PDPR: variants seen among roughly 807,000 people sequenced by gnomAD.
PDPR encodes pyruvate dehydrogenase phosphatase regulatory subunit.
A neutral mutation model predicts 102.2 loss-of-function variants in PDPR; 50 were observed. The ratio of observed to expected loss-of-function variants is 0.49; its 90% confidence interval spans 0.39 to 0.62. The LOEUF (loss-of-function observed/expected upper bound fraction) is 0.62. PDPR is among the 20% of genes least tolerant of loss of function. PDPR has a pLI of 0.00. For synonymous variants in PDPR, 259 were observed against 406.0 expected, an observed-to-expected ratio of 0.64 and a Z score of 4.35; for missense variants, 625 against 1,098.2, an observed-to-expected ratio of 0.57 and a Z score of 6.09.
At chr16:70,126,430 C>G (rs1325129922) in intron 3 of PDPR, among the ~76,000 whole-genome samples, 3 of 152,274 alleles carry the variant, frequency 2.0e-5, no homozygotes, top group Admixed American at 1.3e-4. Context: ...GTGGCACAGT[C>G]TTGACTCACT....
intron 17 of PDPR, among the ~76,000 whole-genome samples, chr16:70,150,198 G>A (rs1278686251): frequency 2.7e-5 from 4 of 150,780 alleles, no homozygotes; most frequent in Admixed American, 1.3e-4. Flanking sequence ...CTGCCTCCCG[G>A]GTTCAAGTGA....
rs899509728 is a variant in PDPR, at chr16:70,114,364, C to A, written c.-219C>A. On this transcript the variant is annotated 5_prime_UTR_variant, in exon 1 of 19. Transcript: ENST00000288050. ...AACCCCGCTTTCCGGCCCGCGGCGACCCCAGGCAACTGTTGTGGCTGCCGC... is the reference window on the plus strand; with the variant it reads ...AACCCCGCTTTCCGGCCCGCGGCGAACCCAGGCAACTGTTGTGGCTGCCGC... 3.3e-5 allele frequency: 5 copies of A among 152,242 alleles called. No individual in the cohort carries two copies. The highest frequency in any genetic ancestry group is 6.5e-5 in the Admixed American group (1 of 15,290). 9.4% of individuals were successfully genotyped at this position (152,242 alleles called of 1,614,324 possible). A position where few individuals can be genotyped will look rare whatever the true frequency, so the allele number is the denominator to read the frequency against.
chr16:70,137,110 T>A (rs1327939380), intron 10 of PDPR, among the ~76,000 whole-genome samples: 1 of 151,698 alleles, frequency 6.6e-6, no homozygotes, highest in African/African-American at 2.4e-5. Flanking sequence ...CCCAGCACTT[T>A]GGGAGGCCGA....
chr16:70,153,279 T>A, intron 17 of PDPR, 112 bp from the exon 18 acceptor site: 1 of 1,198,144 alleles, frequency 8.3e-7, no homozygotes, highest in Non-Finnish European at 1.2e-6. Context: ...GGGAGTTTTA[T>A]ACGCCTCCTC....
chr16:70,134,797 A>AT (rs57093760), intron 9 of PDPR, among the ~76,000 whole-genome samples: 27,869 of 140,832 alleles, frequency 0.2, 1,142 homozygotes, highest in East Asian at 0.31. Context: ...AAAAAAAAAA[A>AT]AATAATAATA....
At chr16:70,149,332 C>G (rs1966515552) in intron 17 of PDPR, among the ~76,000 whole-genome samples, 1 of 151,796 alleles carries the variant, frequency 6.6e-6, no homozygotes, top group South Asian at 2.1e-4. Flanking sequence ...GTGGCATAAT[C>G]TCAGTTCACT....
chr16:70,132,708 G>A (rs373193104), intron 9 of PDPR, among the ~76,000 whole-genome samples: 1 of 151,636 alleles, frequency 6.6e-6, no homozygotes, highest in South Asian at 2.1e-4. Context: ...GGTTGATCTC[G>A]AACTCCAAGG....
At chr16:70,153,824 C>T (rs1466077413) in intron 18 of PDPR, among the ~76,000 whole-genome samples, 2 of 152,276 alleles carry the variant, frequency 1.3e-5, no homozygotes, top group Non-Finnish European at 2.9e-5. Flanking sequence ...GCGGGTGGAT[C>T]ACCTGAGGTC....
intron 11 of PDPR, among the ~76,000 whole-genome samples, chr16:70,141,561 A>G (rs1402682763): frequency 6.6e-6 from 1 of 152,250 alleles, no homozygotes; most frequent in Non-Finnish European, 1.5e-5. Context: ...ATTTTTTCAC[A>G]TTTTGTTACC....
intron 3 of PDPR, among the ~76,000 whole-genome samples, chr16:70,123,550 C>G (rs1342090120): frequency 1.3e-5 from 2 of 152,248 alleles, no homozygotes; most frequent in African/African-American, 2.4e-5. Flanking sequence ...ATAATGCTTC[C>G]TTGATGTCAA....
rs1382249768 is a variant in PDPR at position 70,161,591 on chromosome 16, A to G, written c.*4712A>G. 2.6e-5 allele frequency: 4 copies of G among 153,122 alleles called. No homozygotes were observed. Among genetic ancestry groups the G allele is most frequent in the African/African-American group, 9.6e-5 (4 of 41,476 alleles). The allele number at this position is 153,122 out of a possible 1,614,324, so 9.5% of individuals were successfully genotyped here. ...CTCCGTCAGCGCCTCCCTCCCCGCCACCACTTCAGGCCAACAATTTAAGGT... is the reference window on the plus strand; with the variant it reads ...CTCCGTCAGCGCCTCCCTCCCCGCCGCCACTTCAGGCCAACAATTTAAGGT... On this transcript the variant is annotated 3_prime_UTR_variant, in exon 19 of 19. Coordinates refer to ENST00000288050, the MANE Select transcript of PDPR (RefSeq NM_017990.5).
intron 3 of PDPR, among the ~76,000 whole-genome samples, chr16:70,125,283 A>G (rs1319911794): frequency 4.6e-5 from 7 of 152,328 alleles, no homozygotes; most frequent in Admixed American, 2.6e-4. Context: ...GGTTGAGGCA[A>G]GAGAATTGCT....
intron 16 of PDPR, among the ~76,000 whole-genome samples, chr16:70,148,090 G>T (rs1402479336): frequency 6.6e-6 from 1 of 152,238 alleles, no homozygotes; most frequent in African/African-American, 2.4e-5. Context: ...GGCGGCCAGG[G>T]TTTGTCTGCT....
At chr16:70,133,275 C>T (rs1364768658) in intron 9 of PDPR, among the ~76,000 whole-genome samples, 2 of 152,000 alleles carry the variant, frequency 1.3e-5, no homozygotes, top group African/African-American at 2.4e-5. Flanking sequence ...GCGCCTGCCA[C>T]CACTCCCGAC....
chr16:70,117,914 G>C (rs971339207), intron 2 of PDPR, among the ~76,000 whole-genome samples: 1 of 152,006 alleles, frequency 6.6e-6, no homozygotes, highest in African/African-American at 2.4e-5. Context: ...TCAACATGGT[G>C]AAACCCTGTC....
At chr16:70,135,934 TGG>T (rs1965086229) in intron 9 of PDPR, among the ~76,000 whole-genome samples, 1 of 152,174 alleles carries the variant, frequency 6.6e-6, no homozygotes, top group Non-Finnish European at 1.5e-5. Context: ...CTGGGCATGG[TGG>T]TGCACGCCTG....
At chr16:70,162,972 G>T (rs986213064), downstream of PDPR, among the ~76,000 whole-genome samples, 1 of 152,168 alleles carries the variant, frequency 6.6e-6, no homozygotes, top group East Asian at 1.9e-4. Context: ...TTTTTTTGAG[G>T]CAGAGTCTTG....
chr16:70,123,884 C>T (rs1165360058), intron 3 of PDPR, among the ~76,000 whole-genome samples: 2 of 152,104 alleles, frequency 1.3e-5, no homozygotes, highest in Non-Finnish European at 2.9e-5. Flanking sequence ...GAAACGCCGT[C>T]TCTACTAAAA....
chr16:70,160,149 T>G lies in PDPR; in HGVS notation c.*3270T>G, dbSNP rs1428064962. 1 of 152,988 alleles carries G rather than the reference T, an allele frequency of 6.5e-6. No homozygotes were observed. Among genetic ancestry groups the G allele is most frequent in the African/African-American group, 2.4e-5 (1 of 41,476 alleles). 9.5% of individuals were successfully genotyped at this position (152,988 alleles called of 1,614,324 possible). A position where few individuals can be genotyped will look rare whatever the true frequency, so the allele number is the denominator to read the frequency against. On this transcript the variant is annotated 3_prime_UTR_variant, in exon 19 of 19. Transcript: ENST00000288050. ...TGCCAGTTTTCCGTGGGCCTTCCCCTCCCTTGAAATGTCTTTAATTACCTC... is the reference window on the plus strand; with the variant it reads ...TGCCAGTTTTCCGTGGGCCTTCCCCGCCCTTGAAATGTCTTTAATTACCTC...
Sources: gnomAD v4.1 joint callset for allele counts (sites outside exome capture counted in the v4.1 genomes callset) on GRCh38, gnomAD v4.1.1 for gene constraint, MANE v1.5 for transcripts, NCBI Gene and HGNC (gene_info 2026-07-23, HGNC 2026-07-21) for gene names.